Variants in SMARCAD1 observed in about 807,000 individuals in gnomAD.
SMARCAD1 encodes SWI/SNF-related matrix-associated actin-dependent regulator of chromatin subfamily A containing DEAD/H box 1.
Under a neutral mutation model 127.1 loss-of-function variants are expected in SMARCAD1, and 25 were observed. The observed-to-expected ratio is 0.20, with a 90% CI of 0.14 to 0.27. The LOEUF (loss-of-function observed/expected upper bound fraction) is 0.27. Among genes scored for constraint, SMARCAD1 ranks in the 10% least tolerant of loss-of-function variants. SMARCAD1 has a pLI of 1.00. For missense variants in SMARCAD1, 807 were observed against 1,206.0 expected (o/e 0.67, Z 4.90); for synonymous variants, 400 against 396.9 (o/e 1.01, Z -0.09).
At chr4:94,238,559 G>A (rs1459963932) in intron 5 of SMARCAD1, among the ~76,000 whole-genome samples, 7 of 152,118 alleles carry the variant, frequency 4.6e-5, no homozygotes, top group Non-Finnish European at 8.8e-5. Context: ...AAGCTTCTGA[G>A]CTAGGATTGT....
At chr4:94,250,150 G>A (rs1749066079) in intron 7 of SMARCAD1, among the ~76,000 whole-genome samples, 1 of 151,170 alleles carries the variant, frequency 6.6e-6, no homozygotes, top group Non-Finnish European at 1.5e-5. Flanking sequence ...TATTTTATAA[G>A]CTTTCTACTA....
intron 5 of SMARCAD1, among the ~76,000 whole-genome samples, chr4:94,237,527 C>T (rs1159236651): frequency 2.0e-5 from 3 of 150,832 alleles, no homozygotes; most frequent in Non-Finnish European, 4.4e-5. Flanking sequence ...AATCACCTGA[C>T]CCTACTACTA....
intron 2 of SMARCAD1, among the ~76,000 whole-genome samples, chr4:94,225,477 G>A (rs1320987430): frequency 6.6e-6 from 1 of 152,092 alleles, no homozygotes; most frequent in African/African-American, 2.4e-5. Context: ...AAAGAGTAGG[G>A]CCCACACACA....
intron 9 of SMARCAD1, among the ~76,000 whole-genome samples, chr4:94,259,171 G>A (rs1217292118): frequency 4.6e-5 from 7 of 152,240 alleles, no homozygotes; most frequent in East Asian, 3.9e-4. Context: ...TCTTCCTGCC[G>A]GTAGAAGGGT....
chr4:94,248,243 G>T (rs1748751919), intron 6 of SMARCAD1, among the ~76,000 whole-genome samples: 1 of 152,160 alleles, frequency 6.6e-6, no homozygotes, highest in Admixed American at 6.5e-5. Flanking sequence ...GTTCATTCAT[G>T]TTGTGGTGTG....
At chr4:94,267,385 A>G (rs1751888631) in intron 10 of SMARCAD1, among the ~76,000 whole-genome samples, 1 of 152,140 alleles carries the variant, frequency 6.6e-6, no homozygotes. Flanking sequence ...CGGGACATAA[A>G]CTTTTGGTCG....
intron 21 of SMARCAD1, 61 bp from the exon 22 acceptor site, chr4:94,283,059 TC>T: frequency 1.5e-6 from 2 of 1,379,056 alleles, no homozygotes; most frequent in Admixed American, 3.7e-5. Flanking sequence ...ATGATTGTTT[TC>T]CATTTTAATT....
chr4:94,287,560 G>A (rs530736412), intron 23 of SMARCAD1, among the ~76,000 whole-genome samples: 7 of 152,116 alleles, frequency 4.6e-5, no homozygotes, highest in African/African-American at 1.7e-4. Context: ...TAAGAAATTG[G>A]CAATTTGAAA....
At chr4:94,249,568 T>A in intron 6 of SMARCAD1, 86 bp from the exon 7 acceptor site, 1 of 770,476 alleles carries the variant, frequency 1.3e-6, no homozygotes, top group Non-Finnish European at 2.3e-6. Flanking sequence ...AATTTTCAGA[T>A]CAAGTCAAAA....
intron 8 of SMARCAD1, 33 bp from the exon 9 acceptor site, chr4:94,252,583 A>G (rs1749445136): frequency 7.2e-7 from 1 of 1,384,646 alleles, no homozygotes. Context: ...ATGTATTTCT[A>G]ATTTAGTTAC....
At chr4:94,246,265 G>A (rs1748406240) in intron 6 of SMARCAD1, among the ~76,000 whole-genome samples, 1 of 151,936 alleles carries the variant, frequency 6.6e-6, no homozygotes, top group African/African-American at 2.4e-5. Flanking sequence ...GATTACAGGT[G>A]CCTGCCACCA....
chr4:94,283,146 A>G lies in SMARCAD1; in HGVS notation c.2752A>G (p.Thr918Ala), dbSNP rs751635784. The change falls in exon 22 of 24, where the codon ACC becomes GCC. Residue 918 changes from threonine (T) to alanine (A), a missense_variant. By Grantham distance (58) the Thr-to-Ala change is moderately conservative. Coordinates refer to ENST00000354268, the MANE Select transcript of SMARCAD1 (RefSeq NM_020159.5). ...ERIHLIDEFN[T>A]DMDIFVFLLS... is the part of the protein sequence containing the mutation. The stretch of plus-strand genomic sequence containing the variant: ...GATTCATCTAATTGATGAGTTTAAT[A>G]CCGATATGGATATCTTTGTGTTTCT... The G allele has an allele frequency of 3.1e-6, 5 of 1,613,606 alleles. No individual in the cohort carries two copies. The highest frequency in any genetic ancestry group is 4.2e-6 in the Non-Finnish European group (5 of 1,179,866).
intron 2 of SMARCAD1, among the ~76,000 whole-genome samples, chr4:94,222,852 T>TA (rs1405474310): frequency 1.6e-4 from 24 of 152,024 alleles, no homozygotes; most frequent in Admixed American, 7.8e-4. Context: ...TAATCCCAGC[T>TA]ACTTGGGAGG....
intron 21 of SMARCAD1, among the ~76,000 whole-genome samples, chr4:94,282,161 G>A (rs1458176957): frequency 1.5e-5 from 1 of 65,522 alleles, no homozygotes. Context: ...GTGCAGTGGC[G>A]CGATCTCGGC....
intron 9 of SMARCAD1, among the ~76,000 whole-genome samples, chr4:94,254,124 A>G (rs1414456895): frequency 1.3e-5 from 2 of 152,184 alleles, no homozygotes; most frequent in African/African-American, 2.4e-5. Flanking sequence ...CAGAAACAAC[A>G]TTAATAATAT....
At chr4:94,225,008 T>G (rs1475383021) in intron 2 of SMARCAD1, among the ~76,000 whole-genome samples, 2 of 152,186 alleles carry the variant, frequency 1.3e-5, no homozygotes, top group African/African-American at 4.8e-5. Context: ...ACGACTCCCT[T>G]CAATCTGATC....
At chr4:94,229,156 A>G (rs908189759) in intron 3 of SMARCAD1, among the ~76,000 whole-genome samples, 1 of 152,162 alleles carries the variant, frequency 6.6e-6, no homozygotes, top group Non-Finnish European at 1.5e-5. Context: ...TTTGTAATAA[A>G]TAAGTTATCT....
chr4:94,217,417 T>C (rs111780504), intron 2 of SMARCAD1, among the ~76,000 whole-genome samples: 3,148 of 152,276 alleles, frequency 0.021, 104 homozygotes, highest in African/African-American at 0.071. Context: ...GTCATATATA[T>C]GATGTATCCT....
intron 4 of SMARCAD1, among the ~76,000 whole-genome samples, chr4:94,235,668 CAA>C (rs1746549541): frequency 1.8e-5 from 2 of 111,042 alleles, no homozygotes; most frequent in African/African-American, 7.0e-5. Flanking sequence ...TTTGTGGAAA[CAA>C]ATGTAGACAT....
Sources: gnomAD v4.1 joint callset for allele counts (sites outside exome capture counted in the v4.1 genomes callset) on GRCh38, gnomAD v4.1.1 for gene constraint, MANE v1.5 for transcripts, NCBI Gene and HGNC (gene_info 2026-07-23, HGNC 2026-07-21) for gene names.